EYS: variants seen among roughly 807,000 people sequenced by gnomAD.
The protein encoded by EYS is protein eyes shut homolog.
In EYS, 250 loss-of-function variants were observed where a neutral mutation model predicts 282.1. The observed-to-expected ratio is 0.89, with a 90% CI of 0.80 to 0.98. The LOEUF is 0.98. Ranked by LOEUF, EYS falls within the 50% of genes least tolerant of loss-of-function variation. EYS has a pLI of 0.00. For missense variants in EYS, 4,016 were observed against 3,709.0 expected, an observed-to-expected ratio of 1.08 and a Z score of -2.15; for synonymous variants, 1,355 against 1,282.9, an observed-to-expected ratio of 1.06 and a Z score of -1.20.
chr6:65,449,353 A>G (rs935066056), intron 5 of EYS, among the ~76,000 whole-genome samples: 1 of 152,144 alleles, frequency 6.6e-6, no homozygotes, highest in East Asian at 1.9e-4. Flanking sequence ...TCTAATTAAA[A>G]TATTTGAGTT....
intron 22 of EYS, among the ~76,000 whole-genome samples, chr6:64,757,304 T>G (rs1198058746): frequency 1.3e-5 from 2 of 152,186 alleles, no homozygotes; most frequent in East Asian, 3.9e-4. Context: ...TTGACTAATT[T>G]TCTTCACTGC....
At chr6:64,330,785 G>C (rs538286200) in intron 29 of EYS, among the ~76,000 whole-genome samples, 1 of 152,256 alleles carries the variant, frequency 6.6e-6, no homozygotes, top group Non-Finnish European at 1.5e-5. Flanking sequence ...ACCCTAGGAT[G>C]TTAAGATATC....
intron 31 of EYS, among the ~76,000 whole-genome samples, chr6:64,123,464 C>T (rs770335182): frequency 3.3e-5 from 5 of 152,174 alleles, no homozygotes; most frequent in East Asian, 3.9e-4. Flanking sequence ...GGTAAATGAA[C>T]GCCGGAAAAT....
At chr6:65,148,179 G>A (rs1020755474) in intron 12 of EYS, among the ~76,000 whole-genome samples, 3 of 152,084 alleles carry the variant, frequency 2.0e-5, no homozygotes, top group South Asian at 2.1e-4. Context: ...ACTGATTCCA[G>A]CATGAACTCT....
chr6:64,510,434 T>C (rs1389348679), intron 26 of EYS, among the ~76,000 whole-genome samples: 1 of 152,124 alleles, frequency 6.6e-6, no homozygotes, highest in African/African-American at 2.4e-5. Context: ...TGCAGCTCTT[T>C]AAAATTGTAA....
chr6:64,163,462 A>C (rs369185919), intron 31 of EYS, among the ~76,000 whole-genome samples: 32 of 152,072 alleles, frequency 2.1e-4, no homozygotes, highest in African/African-American at 7.5e-4. Flanking sequence ...AAAAGAAACA[A>C]ATCTAATCTA....
intron 19 of EYS, among the ~76,000 whole-genome samples, chr6:64,854,554 G>A (rs1051695496): frequency 3.0e-4 from 40 of 132,454 alleles, no homozygotes; most frequent in Non-Finnish European, 1.1e-4. Flanking sequence ...AGAACACATG[G>A]ACACAGGAAG....
intron 2 of EYS, among the ~76,000 whole-genome samples, chr6:65,537,212 G>A (rs554393679): frequency 6.8e-4 from 103 of 152,216 alleles, no homozygotes; most frequent in African/African-American, 2.4e-3. Flanking sequence ...CAGGGGGCAA[G>A]GGGATGAATA....
chr6:65,366,004 T>G (rs1235031010), intron 8 of EYS, among the ~76,000 whole-genome samples: 8 of 151,758 alleles, frequency 5.3e-5, no homozygotes, highest in Non-Finnish European at 7.4e-5. Context: ...AAACATTAGA[T>G]GTTCATATTG....
intron 22 of EYS, among the ~76,000 whole-genome samples, chr6:64,789,661 T>G (rs1774126130): frequency 6.6e-6 from 1 of 152,152 alleles, no homozygotes; most frequent in Admixed American, 6.6e-5. Context: ...TATCGAATTC[T>G]CTTTCTCCTT....
In EYS at chr6:63,778,328, C is replaced by A. The variant is rs539123403; in HGVS notation, c.7724-148G>T. On this transcript the variant is annotated intron_variant, in intron 39 of 42. Coordinates refer to ENST00000503581, the MANE Select transcript of EYS (RefSeq NM_001142800.2). ...AAAGAAATATAAGAATACAGAAATG[C>A]GCAGAGAAATTTTTTTTTAAAAGTC... is the stretch of plus-strand genomic sequence containing the variant. The A allele has an allele frequency of 2.8e-5, 23 of 827,356 alleles. No individual in the cohort carries two copies. The African/African-American group carries it at 3.8e-4, about 14-fold the overall frequency. The allele number at this position is 827,356 out of a possible 1,614,324, so 51.3% of individuals were successfully genotyped here.
At chr6:65,036,415 G>A (rs1772774051) in intron 13 of EYS, among the ~76,000 whole-genome samples, 1 of 151,650 alleles carries the variant, frequency 6.6e-6, no homozygotes, top group African/African-American at 2.4e-5. Flanking sequence ...CTGAAAATAG[G>A]CCATGGGAAA....
chr6:63,878,678 A>G (rs977718046), intron 35 of EYS, among the ~76,000 whole-genome samples: 1 of 152,106 alleles, frequency 6.6e-6, no homozygotes, highest in Non-Finnish European at 1.5e-5. Flanking sequence ...CCGCCATGGC[A>G]GACGCCCCTC....
chr6:64,866,339 T>G (rs1022796278), intron 19 of EYS, among the ~76,000 whole-genome samples: 1 of 151,930 alleles, frequency 6.6e-6, no homozygotes, highest in African/African-American at 2.4e-5. Context: ...AACAACAAAT[T>G]TGAATGTCTC....
intron 12 of EYS, among the ~76,000 whole-genome samples, chr6:65,127,500 A>C (rs1411251817): frequency 6.6e-6 from 1 of 152,162 alleles, no homozygotes; most frequent in African/African-American, 2.4e-5. Context: ...TCAACACAGT[A>C]AACATTTGCA....
chr6:64,524,935 C>A (rs1002347945), intron 26 of EYS, among the ~76,000 whole-genome samples: 1 of 151,630 alleles, frequency 6.6e-6, no homozygotes, highest in Non-Finnish European at 1.5e-5. Flanking sequence ...AAACTCAATA[C>A]CCCCAATTAT....
At position 64,265,600 on chromosome 6, in the gene EYS, G is replaced by T. The variant is rs116969906; in HGVS notation, c.6192-34776C>A. Among the ~76,000 whole-genome samples, 44 of 152,216 alleles carry T rather than the reference G, an allele frequency of 2.9e-4. No homozygotes were observed. The East Asian group carries it at 5.8e-3, about 20-fold the overall frequency. The stretch of plus-strand genomic sequence containing the variant: ...AGGTAGTGATCAGAAATTGAGAATA[G>T]AAAAGTAAAATTGACCAAAGAATAT... On this transcript the variant is annotated intron_variant, in intron 30 of 42. Coordinates refer to ENST00000503581, the MANE Select transcript of EYS (RefSeq NM_001142800.2).
In EYS at chr6:65,598,297, T is replaced by C. The variant is rs577898612; in HGVS notation, c.-333+41481A>G. 1.3e-4 allele frequency among the ~76,000 whole-genome samples: 17 copies of C among 134,490 alleles called. No individual in the cohort carries two copies. In the South Asian group the frequency reaches 2.2e-3, roughly 17 times the overall value. The allele number at this position is 134,490 out of a possible 152,430, so 88.2% of individuals were successfully genotyped here. ...TCTCCTGGTATTTAGTACTTCCTTC[T>C]TTTTTTTCTCTTTTATCAGGAAAAC... is the stretch of plus-strand genomic sequence containing the variant. On this transcript the variant is annotated intron_variant, in intron 2 of 42. Coordinates refer to ENST00000503581, the MANE Select transcript of EYS (RefSeq NM_001142800.2).
At chr6:64,117,790 T>C (rs190305240) in intron 31 of EYS, among the ~76,000 whole-genome samples, 6 of 152,142 alleles carry the variant, frequency 3.9e-5, no homozygotes, top group Admixed American at 2.0e-4. Flanking sequence ...CATAGTCTTA[T>C]ATATTTAAAG....
Sources: allele counts gnomAD v4.1 joint callset (sites outside exome capture counted in the v4.1 genomes callset), GRCh38; gene constraint gnomAD v4.1.1; transcripts MANE v1.5; gene names NCBI Gene and HGNC (gene_info 2026-07-23, HGNC 2026-07-21).